The following ADGRB3 variants were observed in gnomAD, a reference collection of about 807,000 sequenced individuals.
ADGRB3 encodes the protein adhesion G protein-coupled receptor B3, also known as brain-specific angiogenesis inhibitor 3.
Under a neutral mutation model 193.4 loss-of-function variants are expected in ADGRB3, and 37 were observed. The ratio of observed to expected loss-of-function variants is 0.19; its 90% CI spans 0.15 to 0.25. The LOEUF (loss-of-function observed/expected upper bound fraction) is 0.25, where lower values mean the gene tolerates loss of function less well. Ranked by LOEUF, ADGRB3 falls within the 10% of genes least tolerant of loss-of-function variation. The probability of loss-of-function intolerance (pLI) is 1.00; values close to 1 mark genes in which losing one functional copy is unlikely to be tolerated. For missense variants in ADGRB3, 1,637 were observed against 1,852.9 expected, an observed-to-expected ratio of 0.88 and a Z score of 2.14; for synonymous variants, 690 against 644.2, an observed-to-expected ratio of 1.07 and a Z score of -1.08.
At chr6:69,192,714 C>G (rs1420157383) in intron 17 of ADGRB3, among the ~76,000 whole-genome samples, 2 of 152,032 alleles carry the variant, frequency 1.3e-5, no homozygotes, top group Admixed American at 6.6e-5. Context: ...CTTGTGAGAT[C>G]TTGCTTATCT....
chr6:68,965,247 C>T (rs1262326728), intron 8 of ADGRB3, among the ~76,000 whole-genome samples: 1 of 152,058 alleles, frequency 6.6e-6, no homozygotes, highest in Non-Finnish European at 1.5e-5. Flanking sequence ...CTTCTTTTTC[C>T]CACAGACCTT....
At position 68,635,288 on chromosome 6, in the gene ADGRB3, C is replaced by T. The variant is rs923299317; in HGVS notation, c.-900C>T. 1.3e-5 allele frequency: 2 copies of T among 150,892 alleles called. No homozygotes were observed. Among genetic ancestry groups the T allele is most frequent in the African/African-American group, 4.9e-5 (2 of 41,214 alleles). The allele number at this position is 150,892 out of a possible 1,614,324, so 9.3% of individuals were successfully genotyped here. On this transcript the variant is annotated 5_prime_UTR_variant, in exon 1 of 32. Coordinates refer to ENST00000370598, the MANE Select transcript of ADGRB3 (RefSeq NM_001704.3). ...CGCCCAAGGGAGAGCGAGCACTGCG[C>T]GCCGGCGCGCACACCCGAGACAGAG...
At chr6:69,371,345 A>C (rs1042607448) in intron 29 of ADGRB3, among the ~76,000 whole-genome samples, 1 of 152,044 alleles carries the variant, frequency 6.6e-6, no homozygotes, top group African/African-American at 2.4e-5. Context: ...GTCTCTCCTA[A>C]TGTTCAAGAG....
intron 20 of ADGRB3, among the ~76,000 whole-genome samples, chr6:69,255,587 A>G (rs1464091478): frequency 6.6e-6 from 1 of 152,104 alleles, no homozygotes; most frequent in Non-Finnish European, 1.5e-5. Flanking sequence ...AGTTCTTTGT[A>G]GATTCTGGAT....
intron 3 of ADGRB3, among the ~76,000 whole-genome samples, chr6:68,708,621 T>C (rs1030554095): frequency 2.6e-5 from 4 of 152,200 alleles, no homozygotes; most frequent in African/African-American, 7.2e-5. Context: ...TCCAATTAAA[T>C]AGATCTAACA....
intron 13 of ADGRB3, among the ~76,000 whole-genome samples, chr6:69,027,769 G>A (rs1770480417): frequency 6.6e-6 from 1 of 152,164 alleles, no homozygotes; most frequent in African/African-American, 2.4e-5. Context: ...AGATGCTGAA[G>A]ATATTTTAGT....
chr6:68,880,402 CA>C (rs1219726452), intron 3 of ADGRB3, among the ~76,000 whole-genome samples: 1 of 152,152 alleles, frequency 6.6e-6, no homozygotes, highest in African/African-American at 2.4e-5. Flanking sequence ...ACATGCAAGT[CA>C]AATTTGTTTC....
At chr6:69,161,787 G>T (rs1229748836) in intron 17 of ADGRB3, among the ~76,000 whole-genome samples, 1 of 152,022 alleles carries the variant, frequency 6.6e-6, no homozygotes, top group Non-Finnish European at 1.5e-5. Context: ...TTATTGAACT[G>T]AGAGCCTCAG....
At chr6:69,051,431 G>A (rs183965092) in intron 15 of ADGRB3, among the ~76,000 whole-genome samples, 72 of 152,200 alleles carry the variant, frequency 4.7e-4, no homozygotes, top group African/African-American at 1.6e-3. Flanking sequence ...TTACAAATTT[G>A]TTTACCTGTA....
intron 3 of ADGRB3, among the ~76,000 whole-genome samples, chr6:68,770,258 C>T (rs556610860): frequency 2.0e-5 from 3 of 152,094 alleles, no homozygotes; most frequent in African/African-American, 7.2e-5. Context: ...GCCAAAATCA[C>T]TGGTGTTGCA....
At chr6:69,152,502 G>T (rs1186572744) in intron 17 of ADGRB3, among the ~76,000 whole-genome samples, 1 of 152,154 alleles carries the variant, frequency 6.6e-6, no homozygotes, top group Non-Finnish European at 1.5e-5. Context: ...CTGTAATTAG[G>T]TGAGCAGGTG....
intron 29 of ADGRB3, among the ~76,000 whole-genome samples, chr6:69,361,781 A>G (rs1167656237): frequency 2.1e-5 from 3 of 146,156 alleles, no homozygotes; most frequent in Non-Finnish European, 4.5e-5. Flanking sequence ...CTAATCAGTC[A>G]TAATTCTGTC....
At chr6:69,195,948 A>G (rs1215399402) in intron 17 of ADGRB3, among the ~76,000 whole-genome samples, 2 of 152,176 alleles carry the variant, frequency 1.3e-5, no homozygotes, top group Non-Finnish European at 2.9e-5. Context: ...TGAATAGTCT[A>G]CTGATATCCA....
chr6:68,842,599 G>A (rs1227483417), intron 3 of ADGRB3, among the ~76,000 whole-genome samples: 1 of 151,814 alleles, frequency 6.6e-6, no homozygotes, highest in Non-Finnish European at 1.5e-5. Context: ...TAAAGAAGAA[G>A]TAATATTGAT....
intron 20 of ADGRB3, among the ~76,000 whole-genome samples, chr6:69,296,651 T>A (rs546687927): frequency 6.6e-6 from 1 of 152,294 alleles, no homozygotes; most frequent in Middle Eastern, 3.4e-3. Flanking sequence ...GGCCATTCTC[T>A]TAGTAATAAA....
chr6:68,907,284 T>C (rs144020778), intron 3 of ADGRB3, among the ~76,000 whole-genome samples: 1 of 152,114 alleles, frequency 6.6e-6, no homozygotes, highest in East Asian at 1.9e-4. Context: ...ACAATGAAAT[T>C]ATTAATTCTA....
intron 3 of ADGRB3, among the ~76,000 whole-genome samples, chr6:68,702,804 G>A (rs1765263547): frequency 6.6e-6 from 1 of 152,090 alleles, no homozygotes; most frequent in South Asian, 2.1e-4. Context: ...ACCACTCACA[G>A]TAGTTTCTGT....
In ADGRB3 at chr6:68,754,608, A is replaced by G. The variant is rs1766264405; in HGVS notation, c.757+115176A>G. Among the ~76,000 whole-genome samples, 6 of 152,192 alleles carry G rather than the reference A, an allele frequency of 3.9e-5. No individual in the cohort carries two copies. The East Asian group carries it at 9.6e-4, about 24-fold the overall frequency. On this transcript the variant is annotated intron_variant, in intron 3 of 31. Transcript: ENST00000370598. ...TCATTACCAGGTGTTCTCCAGCAGA[A>G]TTGGAAATAAGTGTGTAAAATACAA...
intron 17 of ADGRB3, among the ~76,000 whole-genome samples, chr6:69,167,973 C>T (rs551449369): frequency 4.6e-5 from 7 of 152,238 alleles, no homozygotes; most frequent in Admixed American, 6.5e-5. Context: ...GTTTTATTTA[C>T]AGTTACCTTG....
Sources: gnomAD v4.1 joint callset for allele counts (sites outside exome capture counted in the v4.1 genomes callset) on GRCh38, gnomAD v4.1.1 for gene constraint, MANE v1.5 for transcripts, NCBI Gene and HGNC (gene_info 2026-07-23, HGNC 2026-07-21) for gene names.